Variants in PSME3 observed in about 807,000 individuals in gnomAD.
PSME3 encodes the protein proteasome activator subunit 3.
Under a neutral mutation model 38.3 loss-of-function variants are expected in PSME3, and 7 were observed. That is an observed-to-expected ratio of 0.18 (90% CI 0.10 to 0.34). The LOEUF (loss-of-function observed/expected upper bound fraction) is 0.34, where lower values mean the gene tolerates loss of function less well. Ranked by LOEUF, PSME3 falls within the 10% of genes least tolerant of loss-of-function variation. PSME3 has a pLI of 1.00. For missense variants in PSME3, 192 were observed against 307.6 expected (o/e 0.62, Z 2.81); for synonymous variants, 108 against 105.7 (o/e 1.02, Z -0.13).
intron 1 of PSME3, 115 bp from the exon 2 acceptor site, chr17:42,834,229 C>T (rs1455213522): frequency 1.9e-6 from 3 of 1,582,982 alleles, no homozygotes; most frequent in East Asian, 2.3e-5. Context: ...AGTCTGGGGG[C>T]CTCTCAGCTT....
Position 42,841,704 on chromosome 17 carries a change from T to TA in PSME3, c.*127dup. On this transcript the variant is annotated 3_prime_UTR_variant, in exon 11 of 11. Coordinates refer to ENST00000590720, the MANE Select transcript of PSME3 (RefSeq NM_005789.4). ...GTAATCACACCTCTCTGTTTTTAGT[T>TA]AGAGTCTAATGAAACTCTCATCTAG... is the stretch of plus-strand genomic sequence containing the variant. The TA allele has an allele frequency of 1.7e-6, 1 of 595,818 alleles. No homozygotes were observed. Among genetic ancestry groups the TA allele is most frequent in the Non-Finnish European group, 2.8e-6 (1 of 355,400 alleles). 36.9% of individuals were successfully genotyped at this position (595,818 alleles called of 1,614,324 possible).
At chr17:42,838,923 A>T (rs770884351) in intron 7 of PSME3, 22 bp from the exon 8 acceptor site, 1 of 1,613,466 alleles carries the variant, frequency 6.2e-7, no homozygotes, top group East Asian at 2.2e-5. Flanking sequence ...CTTTTGATGC[A>T]CCTGTTGTTT....
intron 10 of PSME3, among the ~76,000 whole-genome samples, chr17:42,840,062 A>G (rs2055512577): frequency 6.7e-6 from 1 of 150,300 alleles, no homozygotes; most frequent in African/African-American, 2.5e-5. Context: ...GGATCACTTG[A>G]GGTCAGGAGT....
intron 10 of PSME3, 83 bp downstream of exon 10, chr17:42,839,463 T>G: frequency 8.5e-7 from 1 of 1,178,712 alleles, no homozygotes; most frequent in Non-Finnish European, 1.3e-6. Flanking sequence ...TCTGAAGGGC[T>G]GAGATGAGGG....
chr17:42,840,396 A>C lies in PSME3; in HGVS notation c.684+1016A>C, dbSNP rs373812394. On this transcript the variant is annotated intron_variant, in intron 10 of 10. Transcript: ENST00000590720. ...TGAGGCAGGTGGATCACATGAGGTCAGGAGTTTTTGACCAGCCTGGCCAAC... is the reference window on the plus strand; with the variant it reads ...TGAGGCAGGTGGATCACATGAGGTCCGGAGTTTTTGACCAGCCTGGCCAAC... Among the ~76,000 whole-genome samples the C allele has an allele frequency of 9.8e-5, 15 of 152,300 alleles. No homozygotes were observed. The East Asian group carries it at 2.1e-3, about 22-fold the overall frequency.
chr17:42,839,241 T>C, intron 9 of PSME3, 53 bp from the exon 10 acceptor site: 1 of 1,573,896 alleles, frequency 6.4e-7, no homozygotes, highest in Non-Finnish European at 8.7e-7. Context: ...GAAGGAGCTG[T>C]CTGGAAACAA....
At chr17:42,839,079 C>T (rs536446351) in intron 8 of PSME3, 33 bp from the exon 9 acceptor site, 19 of 1,590,306 alleles carry the variant, frequency 1.2e-5, no homozygotes, top group East Asian at 2.2e-5. Flanking sequence ...TCAAGGGTCT[C>T]CTGCATCTTC....
chr17:42,833,877 A>T, intron 1 of PSME3: 1 of 1,479,228 alleles, frequency 6.8e-7, no homozygotes, highest in Non-Finnish European at 9.0e-7. Context: ...CTGATGATGG[A>T]GAGTCCCGGG....
chr17:42,837,627 C>G lies in PSME3; in HGVS notation c.244-22C>G, dbSNP rs753342017. 5.0e-6 allele frequency: 8 copies of G among 1,613,524 alleles called. 1 individual carries two copies. The South Asian group carries it at 8.8e-5, about 18-fold the overall frequency. On this transcript the variant is annotated intron_variant, in intron 4 of 10. Transcript: ENST00000590720. ...ATGTGGGTGTCAAAACTAGGCTCAT[C>G]CCTGCCTCTTTGTATCCTTAGCCCA...
In PSME3 at chr17:42,841,469, T is replaced by C. The variant is rs780036042; in HGVS notation, c.685-29T>C. 8 of 1,472,846 alleles carry C rather than the reference T, an allele frequency of 5.4e-6. No individual in the cohort carries two copies. In the East Asian group the frequency reaches 6.9e-5, roughly 13 times the overall value. The allele number at this position is 1,472,846 out of a possible 1,614,324, so 91.2% of individuals were successfully genotyped here. ...TGATGAGGTAAGGGTTGTACAGATA[T>C]GTGATTCCCCTGATCCCTCTTCTCT... On this transcript the variant is annotated intron_variant, in intron 10 of 10. Transcript: ENST00000590720.
Position 42,833,588 on chromosome 17 carries a change from A to G in PSME3, c.-44A>G, listed in dbSNP as rs1259143053. The G allele has an allele frequency of 6.8e-6, 11 of 1,613,162 alleles. No homozygotes were observed. In the African/African-American group the frequency reaches 9.3e-5, roughly 14 times the overall value. On this transcript the variant is annotated 5_prime_UTR_variant, in exon 1 of 11. Coordinates refer to ENST00000590720, the MANE Select transcript of PSME3 (RefSeq NM_005789.4). ...CTCCGGCCCCCTCCCTGGAGTCCAC[A>G]GCGCCTCCGGTGTCCAGAGGATCGG...
chr17:42,838,812 A>G lies in PSME3; in HGVS notation c.474+13A>G. On this transcript the variant is annotated intron_variant, in intron 7 of 10. Transcript: ENST00000590720. ...GGTGTCCATTCAGGTAATGTACTTG[A>G]ATTACATACTGGGAAGAGTGGCTTG... 6.3e-7 allele frequency: 1 copy of G among 1,587,302 alleles called. No individual in the cohort carries two copies. The highest frequency in any genetic ancestry group is 8.7e-7 in the Non-Finnish European group (1 of 1,155,774).
Position 42,834,818 on chromosome 17 carries a change from T to G in PSME3, c.185T>G (p.Met62Arg). 1 of 1,614,148 alleles carries G rather than the reference T, an allele frequency of 6.2e-7. No homozygotes were observed. Among genetic ancestry groups the G allele is most frequent in the Non-Finnish European group, 8.5e-7 (1 of 1,179,996 alleles). Residue 62 changes from methionine to arginine, a missense_variant, in exon 4 of 11, where the codon ATG becomes AGG. Around this residue, in one of 2 missense-constraint regions of PSME3, gnomAD observed 110 missense variants for 139.3 expected, o/e 0.79. Transcript: ENST00000590720. The part of the protein sequence containing the change: ...IHDLTQIHSD[M>R]NLPVPDPILL... ...GACCTAACTCAGATCCACTCTGACATGAATCTCCCAGTCCCTGACCCCATT... is the reference window on the plus strand; with the variant it reads ...GACCTAACTCAGATCCACTCTGACAGGAATCTCCCAGTCCCTGACCCCATT...
At chr17:42,839,563 A>G (rs1388558951) in intron 10 of PSME3, among the ~76,000 whole-genome samples, 183 bp downstream of exon 10, 1 of 152,046 alleles carries the variant, frequency 6.6e-6, no homozygotes, top group Non-Finnish European at 1.5e-5. Flanking sequence ...TCTTTTTTCT[A>G]CCTGAGTGGA....
At chr17:42,840,832 G>C (rs1567682085) in intron 10 of PSME3, among the ~76,000 whole-genome samples, 1 of 152,094 alleles carries the variant, frequency 6.6e-6, no homozygotes, top group Non-Finnish European at 1.5e-5. Flanking sequence ...GCTCAAGTGA[G>C]ATTAAAATTA....
At chr17:42,839,664 C>T (rs760717614) in intron 10 of PSME3, among the ~76,000 whole-genome samples, 3 of 152,128 alleles carry the variant, frequency 2.0e-5, no homozygotes, top group Admixed American at 6.5e-5. Flanking sequence ...TGTGTGACCT[C>T]GAGCAAATTG....
intron 10 of PSME3, among the ~76,000 whole-genome samples, chr17:42,840,314 G>T (rs778740028): frequency 1.1e-4 from 16 of 147,960 alleles, no homozygotes; most frequent in Admixed American, 6.2e-4. Flanking sequence ...AAATAAAATG[G>T]GACTGAAGAG....
chr17:42,837,718 A>C lies in PSME3; in HGVS notation c.292+21A>C, dbSNP rs764760335. On this transcript the variant is annotated intron_variant, in intron 5 of 10. Coordinates refer to ENST00000590720, the MANE Select transcript of PSME3 (RefSeq NM_005789.4). ...CCAAGGTAAGAGGCACCCTTACCTCACCTCCCCTCACCCCATCCCTGACTT... is the reference window on the plus strand; with the variant it reads ...CCAAGGTAAGAGGCACCCTTACCTCCCCTCCCCTCACCCCATCCCTGACTT... 8 of 1,608,680 alleles carry C rather than the reference A, an allele frequency of 5.0e-6. No homozygotes were observed. The African/African-American group carries it at 1.1e-4, about 22-fold the overall frequency.
chr17:42,836,128 C>T (rs1240333769), intron 4 of PSME3, among the ~76,000 whole-genome samples: 1 of 151,926 alleles, frequency 6.6e-6, no homozygotes, highest in Non-Finnish European at 1.5e-5. Context: ...CCTCAGCCTC[C>T]CACGTAGCTG....
Sources: gnomAD v4.1 joint callset for allele counts (sites outside exome capture counted in the v4.1 genomes callset) on GRCh38, gnomAD v4.1.1 for gene constraint, gnomAD v4.1.1 regional missense constraint, MANE v1.5 for transcripts, NCBI Gene and HGNC (gene_info 2026-07-23, HGNC 2026-07-21) for gene names.